Variants in DGCR2 observed in about 807,000 individuals in gnomAD.
DGCR2 encodes integral membrane protein DGCR2/IDD.
DGCR2 carries 24 observed loss-of-function variants against 51.6 expected under a neutral mutation model. That is an observed-to-expected ratio of 0.47 (90% CI 0.34 to 0.65). DGCR2 has a LOEUF of 0.65. Among genes scored for constraint, DGCR2 ranks in the 30% least tolerant of loss-of-function variants. The pLI is 0.01. For missense variants in DGCR2, 765 were observed against 772.1 expected (o/e 0.99, Z 0.11); for synonymous variants, 340 against 315.4 (o/e 1.08, Z -0.82).
At chr22:19,069,809 C>A (rs1356529289) in intron 2 of DGCR2, among the ~76,000 whole-genome samples, 1 of 152,146 alleles carries the variant, frequency 6.6e-6, no homozygotes, top group Non-Finnish European at 1.5e-5. Flanking sequence ...TCACTCAGTA[C>A]TCAATAAGCA....
intron 1 of DGCR2, among the ~76,000 whole-genome samples, chr22:19,116,256 G>A (rs1387278237): frequency 1.3e-5 from 2 of 152,202 alleles, no homozygotes; most frequent in Admixed American, 6.5e-5. Flanking sequence ...CCATCTCCCA[G>A]GAGGATGCCC....
At chr22:19,091,450 T>C (rs2083077291) in intron 1 of DGCR2, among the ~76,000 whole-genome samples, 1 of 152,168 alleles carries the variant, frequency 6.6e-6, no homozygotes, top group African/African-American at 2.4e-5. Flanking sequence ...TTAATAATGA[T>C]AAAGGGATTG....
At chr22:19,083,086 CAAA>C (rs60335630) in intron 2 of DGCR2, among the ~76,000 whole-genome samples, 17 of 118,212 alleles carry the variant, frequency 1.4e-4, no homozygotes, top group Non-Finnish European at 8.9e-5. Context: ...GACCTTGTCT[CAAA>C]AAAAAAAAAA....
At chr22:19,097,152 A>C (rs965347008) in intron 1 of DGCR2, among the ~76,000 whole-genome samples, 83 of 152,210 alleles carry the variant, frequency 5.5e-4, no homozygotes, top group African/African-American at 1.9e-3. Flanking sequence ...TCCCCCATGC[A>C]CCACATCCAC....
At chr22:19,080,428 TTC>T (rs1403779611) in intron 2 of DGCR2, among the ~76,000 whole-genome samples, 1 of 152,260 alleles carries the variant, frequency 6.6e-6, no homozygotes, top group Non-Finnish European at 1.5e-5. Flanking sequence ...ATGTTTTACA[TTC>T]TTTTTTTGTA....
chr22:19,079,183 G>A (rs2082910548), intron 2 of DGCR2, among the ~76,000 whole-genome samples: 1 of 152,136 alleles, frequency 6.6e-6, no homozygotes, highest in African/African-American at 2.4e-5. Context: ...AAAGCACTGA[G>A]ATGACAGATA....
chr22:19,049,555 G>C (rs571165757), intron 6 of DGCR2, among the ~76,000 whole-genome samples: 1 of 152,112 alleles, frequency 6.6e-6, no homozygotes, highest in Non-Finnish European at 1.5e-5. Context: ...AGCTGGGCGC[G>C]GTGGCTCACA....
At chr22:19,108,567 TCTAAAAAAAAAAAAAAAAAA>T in intron 1 of DGCR2, among the ~76,000 whole-genome samples, 1 of 78,936 alleles carries the variant, frequency 1.3e-5, no homozygotes. Context: ...AGAGAATTTA[TCTAAAAAAAAAAAAAAAAAA>T]AAAAAAAAAA....
chr22:19,042,452 A>G (rs1474134937), intron 7 of DGCR2, among the ~76,000 whole-genome samples: 2 of 152,208 alleles, frequency 1.3e-5, no homozygotes, highest in African/African-American at 4.8e-5. Flanking sequence ...GTTGCCCAGC[A>G]AGAATGAGCC....
At chr22:19,105,364 A>T (rs1490992406) in intron 1 of DGCR2, among the ~76,000 whole-genome samples, 1 of 152,194 alleles carries the variant, frequency 6.6e-6, no homozygotes, top group Non-Finnish European at 1.5e-5. Flanking sequence ...CACTGTTGAT[A>T]GCACAACTAA....
intron 6 of DGCR2, among the ~76,000 whole-genome samples, chr22:19,050,045 CA>C (rs762122249): frequency 1.3e-5 from 2 of 149,892 alleles, no homozygotes; most frequent in African/African-American, 2.4e-5. Flanking sequence ...GAGAAAGAGG[CA>C]AAAAAAAATT....
In DGCR2 at chr22:19,063,296, A is replaced by G; in HGVS notation, c.549-18T>C. On this transcript the variant is annotated intron_variant, in intron 4 of 9. Coordinates refer to ENST00000263196, the MANE Select transcript of DGCR2 (RefSeq NM_005137.3). ...CCCACAACCTGCAGGGCACAGAGAC[A>G]GAGACAGAGATCTCAGCGGCAGGAG... 1 of 1,612,310 alleles carries G rather than the reference A, an allele frequency of 6.2e-7. No homozygotes were observed. Among genetic ancestry groups the G allele is most frequent in the Non-Finnish European group, 8.5e-7 (1 of 1,178,484 alleles).
At chr22:19,098,917 C>T (rs1293068560) in intron 1 of DGCR2, among the ~76,000 whole-genome samples, 2 of 152,044 alleles carry the variant, frequency 1.3e-5, no homozygotes, top group Non-Finnish European at 2.9e-5. Flanking sequence ...TTATTGCTGC[C>T]CCATACTCCA....
At position 19,041,940 on chromosome 22, in the gene DGCR2, G is replaced by A. The variant is rs778609550; in HGVS notation, c.1026C>T (p.Asp342=). 1 of 1,613,290 alleles carries A rather than the reference G, an allele frequency of 6.2e-7. No homozygotes were observed. The highest frequency in any genetic ancestry group is 8.5e-7 in the Non-Finnish European group (1 of 1,179,806). Residue 342 remains aspartate (D), a synonymous_variant, in exon 8 of 10, where the codon GAC becomes GAT. Transcript: ENST00000263196. ...CLDPDGNSLF[D]SMASGMRLVV... ...CCAGGCGCATCCCGCTGGCCATGGAGTCAAACAGACTGTTGCCATCTGAGG... is the reference window on the plus strand; with the variant it reads ...CCAGGCGCATCCCGCTGGCCATGGAATCAAACAGACTGTTGCCATCTGAGG...
At chr22:19,096,308 T>C (rs2083139022) in intron 1 of DGCR2, among the ~76,000 whole-genome samples, 4 of 152,230 alleles carry the variant, frequency 2.6e-5, no homozygotes, top group South Asian at 4.1e-4. Flanking sequence ...GTTAAACTCA[T>C]GGAGCTAGAG....
At chr22:19,071,271 C>T (rs2082812180) in intron 2 of DGCR2, among the ~76,000 whole-genome samples, 1 of 152,254 alleles carries the variant, frequency 6.6e-6, no homozygotes, top group Non-Finnish European at 1.5e-5. Context: ...AGCACAGGAA[C>T]ACACTGGAGA....
chr22:19,045,676 C>T (rs1231728174), intron 7 of DGCR2, among the ~76,000 whole-genome samples: 1 of 152,212 alleles, frequency 6.6e-6, no homozygotes, highest in Non-Finnish European at 1.5e-5. Flanking sequence ...CCTCTTGCCT[C>T]AGACTCCCAA....
chr22:19,038,792 A>G lies in DGCR2; in HGVS notation c.*73T>C. On this transcript the variant is annotated 3_prime_UTR_variant, in exon 10 of 10. Transcript: ENST00000263196. ...GTCCAGGCTGGGACAGGGGCCTTTC[A>G]AGTCTCCCCAGGGACCGGTGTTTTC... 1 of 1,557,908 alleles carries G rather than the reference A, an allele frequency of 6.4e-7. No individual in the cohort carries two copies. Among genetic ancestry groups the G allele is most frequent in the African/African-American group, 1.4e-5 (1 of 73,692 alleles).
At chr22:19,062,634 T>C (rs1315897100) in intron 5 of DGCR2, among the ~76,000 whole-genome samples, 1 of 151,826 alleles carries the variant, frequency 6.6e-6, no homozygotes. Context: ...AGCTCGCCAG[T>C]GCCAGGGCAA....
Sources: allele counts gnomAD v4.1 joint callset (sites outside exome capture counted in the v4.1 genomes callset), GRCh38; gene constraint gnomAD v4.1.1; transcripts MANE v1.5; gene names NCBI Gene and HGNC (gene_info 2026-07-23, HGNC 2026-07-21).